The following AOPEP variants were observed in gnomAD, a reference collection of about 807,000 sequenced individuals.
AOPEP encodes the protein aminopeptidase O (putative), also known as aminopeptidase O.
A neutral mutation model predicts 98.1 loss-of-function variants in AOPEP; 77 were observed. The observed-to-expected ratio is 0.78, with a 90% CI of 0.65 to 0.95. The LOEUF is 0.95. AOPEP is among the 40% of genes least tolerant of loss of function. The pLI, the probability that AOPEP is intolerant of heterozygous loss-of-function variation, is 0.00. For synonymous variants in AOPEP, 346 were observed against 365.3 expected (o/e 0.95, Z 0.60); for missense variants, 1,024 against 1,024.7 (o/e 1.00, Z 0.01).
At chr9:94,774,924 A>G (rs1564110331) in intron 3 of AOPEP, among the ~76,000 whole-genome samples, 2 of 152,084 alleles carry the variant, frequency 1.3e-5, no homozygotes, top group Non-Finnish European at 2.9e-5. Context: ...ACATGTCCTT[A>G]TATGTTTCTT....
At chr9:94,788,130 G>C (rs936801571) in intron 3 of AOPEP, among the ~76,000 whole-genome samples, 1 of 151,896 alleles carries the variant, frequency 6.6e-6, no homozygotes, top group Non-Finnish European at 1.5e-5. Context: ...GAGTGTAGTG[G>C]TGTGATCACA....
intron 5 of AOPEP, among the ~76,000 whole-genome samples, chr9:94,901,134 A>C (rs1028810692): frequency 1.3e-5 from 2 of 152,166 alleles, no homozygotes; most frequent in African/African-American, 4.8e-5. Flanking sequence ...TTATCAAAAC[A>C]ATTAGAATGT....
intron 3 of AOPEP, among the ~76,000 whole-genome samples, chr9:94,778,287 TTGAG>T (rs1264866086): frequency 6.6e-6 from 1 of 152,154 alleles, no homozygotes; most frequent in East Asian, 1.9e-4. Context: ...AATTTTACTC[TTGAG>T]TATTTACCCA....
chr9:94,894,743 C>T (rs550537477), intron 5 of AOPEP, among the ~76,000 whole-genome samples: 2 of 152,074 alleles, frequency 1.3e-5, no homozygotes, highest in African/African-American at 4.8e-5. Context: ...TTAGACAGAA[C>T]AATAACATAC....
chr9:94,932,782 C>G (rs987262182), intron 7 of AOPEP: 1 of 985,222 alleles, frequency 1.0e-6, no homozygotes, highest in African/African-American at 1.7e-5. Context: ...CTGCGCCCAG[C>G]CCAGATGTTT....
intron 4 of AOPEP, among the ~76,000 whole-genome samples, chr9:94,797,905 T>A (rs1847372270): frequency 6.6e-6 from 1 of 152,078 alleles, no homozygotes; most frequent in Non-Finnish European, 1.5e-5. Flanking sequence ...GGTTTTACCG[T>A]GTTGGCTAGG....
At chr9:94,995,003 ACAGT>A (rs1418895500) in intron 11 of AOPEP, among the ~76,000 whole-genome samples, 2 of 152,222 alleles carry the variant, frequency 1.3e-5, no homozygotes, top group South Asian at 2.1e-4. Context: ...TCTTGTAATA[ACAGT>A]CAGCTTACTG....
intron 11 of AOPEP, among the ~76,000 whole-genome samples, chr9:95,000,652 G>C (rs2061502590): frequency 6.6e-6 from 1 of 152,156 alleles, no homozygotes; most frequent in African/African-American, 2.4e-5. Context: ...AGGTTGCAGT[G>C]AGCCAAGATT....
chr9:95,076,990 A>AGCTCTAGGCTTGTGGG (rs201677493), intron 14 of AOPEP, among the ~76,000 whole-genome samples: 1,914 of 152,302 alleles, frequency 0.013, 40 homozygotes, highest in African/African-American at 0.043. Context: ...TCTCCAGTGC[A>AGCTCTAGGCTTGTGGG]GGTACCTTGT....
At chr9:94,886,828 G>A (rs2048298299) in intron 5 of AOPEP, among the ~76,000 whole-genome samples, 1 of 151,998 alleles carries the variant, frequency 6.6e-6, no homozygotes, top group South Asian at 2.1e-4. Context: ...TACTATATAT[G>A]GGTTTGTATA....
At chr9:94,960,964 A>G (rs1005968961) in intron 9 of AOPEP, among the ~76,000 whole-genome samples, 6 of 149,308 alleles carry the variant, frequency 4.0e-5, no homozygotes, top group Non-Finnish European at 8.9e-5. Context: ...GTGAGCCGAG[A>G]TTGCGCGCCA....
intron 11 of AOPEP, among the ~76,000 whole-genome samples, chr9:94,998,942 G>A (rs1314107166): frequency 6.6e-6 from 1 of 152,098 alleles, no homozygotes; most frequent in Non-Finnish European, 1.5e-5. Context: ...TGTCTGTATA[G>A]TATTATATCT....
At chr9:94,761,726 T>TA (rs910611589) in intron 2 of AOPEP, among the ~76,000 whole-genome samples, 12 of 152,192 alleles carry the variant, frequency 7.9e-5, no homozygotes, top group African/African-American at 2.9e-4. Context: ...TTATTTCTGT[T>TA]AGAGTCTGAG....
chr9:95,060,482 C>G (rs1419139656), intron 13 of AOPEP, among the ~76,000 whole-genome samples: 1 of 152,150 alleles, frequency 6.6e-6, no homozygotes, highest in Non-Finnish European at 1.5e-5. Context: ...AAAACGGGGC[C>G]AAAGCAGACC....
At chr9:94,977,352 G>A (rs1249620021) in intron 10 of AOPEP, among the ~76,000 whole-genome samples, 1 of 152,096 alleles carries the variant, frequency 6.6e-6, no homozygotes, top group Non-Finnish European at 1.5e-5. Flanking sequence ...AGCTTGTGGA[G>A]GCTTCTGCAG....
intron 5 of AOPEP, among the ~76,000 whole-genome samples, chr9:94,896,037 C>A (rs957326448): frequency 1.3e-5 from 2 of 151,940 alleles, no homozygotes; most frequent in Non-Finnish European, 2.9e-5. Context: ...CTAGACAATA[C>A]TAATAGATAA....
At chr9:94,955,094 G>C in intron 7 of AOPEP, 83 bp from the exon 8 acceptor site, 1 of 765,442 alleles carries the variant, frequency 1.3e-6, no homozygotes, top group Non-Finnish European at 2.2e-6. Flanking sequence ...GAGCAACTCT[G>C]AAAATAACAA....
chr9:95,085,903 G>A lies in AOPEP; in HGVS notation c.*5-779G>A, dbSNP rs138477327. The A allele has an allele frequency of 3.7e-4, 452 of 1,217,884 alleles. 2 individuals carry two copies. The African/African-American group carries it at 5.4e-3, about 14-fold the overall frequency. The allele number at this position is 1,217,884 out of a possible 1,614,324, so 75.4% of individuals were successfully genotyped here. ...CGGAGGAGCTCCTGTTGTTCTGGGC[G>A]CGGTGAACTCTCTCTTGTATTTGCA... On this transcript the variant is annotated intron_variant, in intron 16 of 16. Transcript: ENST00000375315.
chr9:94,819,817 C>T (rs1852596969), intron 5 of AOPEP, among the ~76,000 whole-genome samples: 1 of 152,016 alleles, frequency 6.6e-6, no homozygotes, highest in African/African-American at 2.4e-5. Context: ...AAGCAATCCT[C>T]CCGCCTTGGC....
Sources: gnomAD v4.1 joint callset for allele counts (sites outside exome capture counted in the v4.1 genomes callset) on GRCh38, gnomAD v4.1.1 for gene constraint, MANE v1.5 for transcripts, NCBI Gene and HGNC (gene_info 2026-07-23, HGNC 2026-07-21) for gene names.